The following NAALAD2 variants were observed in gnomAD, a reference collection of about 807,000 sequenced individuals.
NAALAD2 encodes N-acetylated alpha-linked acidic dipeptidase 2, also known as N-acetylated-alpha-linked acidic dipeptidase 2.
In NAALAD2, 89 loss-of-function variants were observed where a neutral mutation model predicts 95.6. The observed-to-expected ratio is 0.93, with a 90% confidence interval of 0.78 to 1.11. The LOEUF (loss-of-function observed/expected upper bound fraction) is 1.11, where lower values mean the gene tolerates loss of function less well. NAALAD2 is among the 50% of genes least tolerant of loss of function. The pLI is 0.00. For missense variants in NAALAD2, 894 were observed against 872.4 expected, an observed-to-expected ratio of 1.02 and a Z score of -0.31; for synonymous variants, 264 against 294.4, an observed-to-expected ratio of 0.90 and a Z score of 1.06.
intron 18 of NAALAD2, 99 bp downstream of exon 18, chr11:90,183,107 A>G (rs1323234183): frequency 6.5e-6 from 5 of 770,154 alleles, no homozygotes; most frequent in Non-Finnish European, 1.2e-5. Context: ...AAAGGCAAAT[A>G]TGTACACTCT....
Position 90,163,002 on chromosome 11 carries a change from T to C in NAALAD2, c.1043T>C (p.Val348Ala). 6.4e-7 allele frequency: 1 copy of C among 1,574,480 alleles called. No homozygotes were observed. The highest frequency in any genetic ancestry group is 1.2e-5 in the South Asian group (1 of 84,062). ...AATAAAATTACAAGGATTTACAATG[T>C]AGTTGGAACTATCAGAGGATCTGTG... is the stretch of plus-strand genomic sequence containing the variant. Reference protein sequence around the residue: ...NINKITRIYNVVGTIRGSVEP... With the variant: ...NINKITRIYNAVGTIRGSVEP... The change falls in exon 9 of 19, where the codon GTA (valine) becomes GCA (alanine). Residue 348 changes from valine (V) to alanine (A), a missense_variant. Val to Ala is a moderately conservative substitution (Grantham distance 64, BLOSUM62 0). Coordinates refer to ENST00000534061, the MANE Select transcript of NAALAD2 (RefSeq NM_005467.4).
In NAALAD2 at chr11:90,138,725, CTTTTTTTTTTTTTTT is replaced by C. The variant is rs562496549; in HGVS notation, c.194+3075_194+3089del. Among the ~76,000 whole-genome samples, 153 of 61,534 alleles carry C rather than the reference CTTTTTTTTTTTTTTT, an allele frequency of 2.5e-3. 1 individual carries two copies. The highest frequency in any genetic ancestry group is 4.0e-3 in the African/African-American group (72 of 17,790). 40.4% of individuals were successfully genotyped at this position (61,534 alleles called of 152,430 possible). A position where few individuals can be genotyped will look rare whatever the true frequency, so the allele number is the denominator to read the frequency against. ...TATCATGAAACCCTTCATCCCTCAA[CTTTTTTTTTTTTTTT>C]TTTTTTTTTTTTTTTTTTTGCCATA... On this transcript the variant is annotated intron_variant, in intron 2 of 18. Coordinates refer to ENST00000534061, the MANE Select transcript of NAALAD2 (RefSeq NM_005467.4).
At chr11:90,190,993 C>G (rs947125682) in intron 18 of NAALAD2, among the ~76,000 whole-genome samples, 3 of 152,020 alleles carry the variant, frequency 2.0e-5, no homozygotes, top group Admixed American at 1.3e-4. Context: ...ATAAAACTTT[C>G]TTTTTAGATC....
At chr11:90,186,825 T>C (rs1288152600) in intron 18 of NAALAD2, among the ~76,000 whole-genome samples, 1 of 142,404 alleles carries the variant, frequency 7.0e-6, no homozygotes, top group Non-Finnish European at 1.5e-5. Flanking sequence ...AATTGACAAA[T>C]GGGATCTAAT....
chr11:90,159,013 C>T, intron 7 of NAALAD2: 3 of 469,274 alleles, frequency 6.4e-6, no homozygotes, highest in Non-Finnish European at 1.1e-5. Flanking sequence ...TATTTTTTCT[C>T]TTTGCTCTCA....
intron 6 of NAALAD2, 66 bp downstream of exon 6, chr11:90,152,550 C>G: frequency 7.9e-7 from 1 of 1,260,038 alleles, no homozygotes; most frequent in Non-Finnish European, 1.1e-6. Context: ...AGAAGGAATA[C>G]AAGCAAGCAT....
At chr11:90,175,190 A>G (rs1297956038) in intron 14 of NAALAD2, among the ~76,000 whole-genome samples, 1 of 152,182 alleles carries the variant, frequency 6.6e-6, no homozygotes, top group African/African-American at 2.4e-5. Flanking sequence ...CTCATTTCAA[A>G]TCAGTCTTGT....
rs1951412033 is a variant in NAALAD2, at chr11:90,134,748, C to T, written c.-11C>T. Reference sequence around the variant, plus strand: ...TGTAGCAGGCGCCCCAAGCTCGGTCCTCAAGAAGCCATGGCGGAATCCAGG... The same window carrying T: ...TGTAGCAGGCGCCCCAAGCTCGGTCTTCAAGAAGCCATGGCGGAATCCAGG... On this transcript the variant is annotated 5_prime_UTR_variant, in exon 1 of 19. Transcript: ENST00000534061. 6.2e-7 allele frequency: 1 copy of T among 1,613,584 alleles called. No homozygotes were observed. Among genetic ancestry groups the T allele is most frequent in the East Asian group, 2.2e-5 (1 of 44,856 alleles).
rs757321481 is a variant in NAALAD2 at position 90,182,978 on chromosome 11, C to T, written c.2003C>T (p.Pro668Leu). Residue 668 changes from proline (P) to leucine (L), a missense_variant, in exon 18 of 19, where the codon CCT (proline) becomes CTT (leucine). Coordinates refer to ENST00000534061, the MANE Select transcript of NAALAD2 (RefSeq NM_005467.4). ...LMLLERAFID[P>L]LGLPGKLFYR... ...CTCCTGGAAAGAGCATTCATCGATCCTCTTGGTTTACCAGGAAAGCTGTTC... is the reference window on the plus strand; with the variant it reads ...CTCCTGGAAAGAGCATTCATCGATCTTCTTGGTTTACCAGGAAAGCTGTTC... 147 of 1,612,682 alleles carry T rather than the reference C, an allele frequency of 9.1e-5. 1 individual carries two copies. The Middle Eastern group carries it at 1.3e-3, about 14-fold the overall frequency.
In NAALAD2 at chr11:90,182,999, TGTTC is replaced by T. The variant is rs1454515677; in HGVS notation, c.2025_2028del (p.Phe676IlefsTer42). 4 of 1,612,288 alleles carry T rather than the reference TGTTC, an allele frequency of 2.5e-6. No individual in the cohort carries two copies. Among genetic ancestry groups the T allele is most frequent in the Non-Finnish European group, 3.4e-6 (4 of 1,178,500 alleles). On this transcript the variant is annotated frameshift_variant, in exon 18 of 19. Coordinates refer to ENST00000534061, the MANE Select transcript of NAALAD2 (RefSeq NM_005467.4). LOFTEE classifies it high-confidence loss of function. Reference sequence around the variant, plus strand: ...GATCCTCTTGGTTTACCAGGAAAGCTGTTCTATAGGTAAGGAAACAACAGGCGCC... The same window carrying T: ...GATCCTCTTGGTTTACCAGGAAAGCTTATAGGTAAGGAAACAACAGGCGCC...
rs2135009409 is a variant in NAALAD2 at position 90,192,339 on chromosome 11, G to A, written c.*592G>A. 1 of 152,062 alleles carries A rather than the reference G, an allele frequency of 6.6e-6. No individual in the cohort carries two copies. 9.4% of individuals were successfully genotyped at this position (152,062 alleles called of 1,614,324 possible). The stretch of plus-strand genomic sequence containing the variant: ...AAATGCAATATTATTGGCAGACATT[G>A]TTGAAGGAAAAAAGCCAGACAAACA... On this transcript the variant is annotated 3_prime_UTR_variant, in exon 19 of 19. Transcript: ENST00000534061.
At chr11:90,154,465 C>T (rs973144598) in intron 6 of NAALAD2, among the ~76,000 whole-genome samples, 1 of 151,854 alleles carries the variant, frequency 6.6e-6, no homozygotes, top group South Asian at 2.1e-4. Context: ...CCAACCCTGT[C>T]ATCCTAAAAT....
chr11:90,181,084 A>C (rs1167469356), intron 16 of NAALAD2, among the ~76,000 whole-genome samples: 1 of 152,088 alleles, frequency 6.6e-6, no homozygotes, highest in Non-Finnish European at 1.5e-5. Flanking sequence ...TGTACTGAGA[A>C]CCTAATCACT....
chr11:90,178,902 T>G (rs1216747333), intron 16 of NAALAD2, among the ~76,000 whole-genome samples: 1 of 152,212 alleles, frequency 6.6e-6, no homozygotes, highest in Non-Finnish European at 1.5e-5. Context: ...TCTTCTGCAT[T>G]GTGCATCTCC....
At chr11:90,162,759 G>A (rs79996846) in intron 8 of NAALAD2, 190 bp from the exon 9 acceptor site, 196 of 391,870 alleles carry the variant, frequency 5.0e-4, no homozygotes, top group African/African-American at 4.0e-3. Context: ...CATAATGTCT[G>A]TACCTTACTT....
chr11:90,163,331 G>T lies in NAALAD2; in HGVS notation c.1097G>T (p.Gly366Val). The change falls in exon 10 of 19, where the codon GGT becomes GTT. Residue 366 changes from glycine (G) to valine (V), a missense_variant. Coordinates refer to ENST00000534061, the MANE Select transcript of NAALAD2 (RefSeq NM_005467.4). ...CCAGACAGGTATGTTATTCTGGGAG[G>T]TCACCGGGACTCCTGGGTATTTGGA... Reference protein sequence around the residue: ...VEPDRYVILGGHRDSWVFGAI... With the variant: ...VEPDRYVILGVHRDSWVFGAI... 7 of 1,613,772 alleles carry T rather than the reference G, an allele frequency of 4.3e-6. No homozygotes were observed. The highest frequency in any genetic ancestry group is 5.9e-6 in the Non-Finnish European group (7 of 1,179,782).
rs534852343 is a variant in NAALAD2, at chr11:90,192,209, C to G, written c.*462C>G. On this transcript the variant is annotated 3_prime_UTR_variant, in exon 19 of 19. Transcript: ENST00000534061. ...ATGCATGTTCATTGCAACTTAAAAG[C>G]GTAAAAACCCCAAATGTCCATCCAC... 6.6e-6 allele frequency: 1 copy of G among 151,952 alleles called. No homozygotes were observed. The highest frequency in any genetic ancestry group is 1.5e-5 in the Non-Finnish European group (1 of 67,930). The allele number at this position is 151,952 out of a possible 1,614,324, so 9.4% of individuals were successfully genotyped here.
chr11:90,135,290 A>G (rs1590948579), intron 1 of NAALAD2: 2 of 344,366 alleles, frequency 5.8e-6, no homozygotes, highest in East Asian at 9.4e-5. Flanking sequence ...AGGGAAGAAC[A>G]ACAAAAGCCA....
At chr11:90,164,393 G>C (rs1952378943) in intron 11 of NAALAD2, 1 of 152,158 alleles carries the variant, frequency 6.6e-6, no homozygotes, top group African/African-American at 2.4e-5. Context: ...CAGGGTACAA[G>C]TGCAGGTATG....
Sources: allele counts gnomAD v4.1 joint callset (sites outside exome capture counted in the v4.1 genomes callset), GRCh38; gene constraint gnomAD v4.1.1; transcripts MANE v1.5; gene names NCBI Gene and HGNC (gene_info 2026-07-23, HGNC 2026-07-21).